IRAG2: variants seen among roughly 807,000 people sequenced by gnomAD.
IRAG2 encodes inositol 1,4,5-triphosphate receptor associated 2.
Under a neutral mutation model 69.9 loss-of-function variants are expected in IRAG2, and 45 were observed. The ratio of observed to expected loss-of-function variants is 0.64; its 90% CI spans 0.51 to 0.83. The LOEUF is 0.83. Ranked by LOEUF, IRAG2 falls within the 40% of genes least tolerant of loss-of-function variation. The pLI is 0.00. For missense variants in IRAG2, 520 were observed against 587.0 expected (o/e 0.89, Z 1.18); for synonymous variants, 193 against 202.4 (o/e 0.95, Z 0.40).
At chr12:25,101,424 G>A in intron 16 of IRAG2, 99 bp downstream of exon 16, 1 of 783,704 alleles carries the variant, frequency 1.3e-6, no homozygotes, top group Non-Finnish European at 1.8e-6. Context: ...AAACTCTTAG[G>A]TTAACTTTAT....
intron 3 of IRAG2, among the ~76,000 whole-genome samples, chr12:25,012,217 C>T (rs1339586499): frequency 7.5e-6 from 1 of 133,906 alleles, no homozygotes; most frequent in Non-Finnish European, 1.5e-5. Flanking sequence ...TACAGTGATG[C>T]AATCTCTGCT....
intron 12 of IRAG2, chr12:25,033,798 G>A (rs1337128466): frequency 2.8e-5 from 11 of 398,192 alleles, no homozygotes; most frequent in Middle Eastern, 1.3e-3. Flanking sequence ...GACTTCAAAC[G>A]TAATGTTGGA....
chr12:25,025,704 A>G (rs1263491579), intron 8 of IRAG2, among the ~76,000 whole-genome samples: 3 of 152,204 alleles, frequency 2.0e-5, no homozygotes, highest in African/African-American at 7.2e-5. Flanking sequence ...TCAAAAGCTG[A>G]TGGGGGCTTG....
At chr12:25,084,217 G>A (rs993432134) in intron 10 of IRAG2, among the ~76,000 whole-genome samples, 3 of 152,102 alleles carry the variant, frequency 2.0e-5, no homozygotes, top group Non-Finnish European at 4.4e-5. Flanking sequence ...GGGAGACCCT[G>A]TTTCTACAAA....
chr12:25,092,924 T>G (rs1948166618), intron 14 of IRAG2: 1 of 155,498 alleles, frequency 6.4e-6, no homozygotes, highest in South Asian at 1.9e-4. Flanking sequence ...AGTTGGTGGC[T>G]CTAACCAAAG....
intron 10 of IRAG2, among the ~76,000 whole-genome samples, chr12:25,086,494 C>A (rs542303704): frequency 7.2e-5 from 11 of 152,038 alleles, no homozygotes; most frequent in Non-Finnish European, 1.5e-4. Flanking sequence ...CTCACCTGTG[C>A]GGTTTTTGAA....
intron 6 of IRAG2, among the ~76,000 whole-genome samples, chr12:25,020,172 C>T (rs1273338383): frequency 3.3e-5 from 5 of 152,202 alleles, no homozygotes; most frequent in African/African-American, 7.2e-5. Context: ...ACGGGAGCTA[C>T]AGGTAGGTAA....
chr12:25,038,976 C>T (rs915733115), intron 16 of IRAG2, among the ~76,000 whole-genome samples: 1 of 152,162 alleles, frequency 6.6e-6, no homozygotes, highest in African/African-American at 2.4e-5. Context: ...TATAAAATAA[C>T]TTACCCTCTT....
intron 5 of IRAG2, among the ~76,000 whole-genome samples, chr12:25,068,082 C>G (rs1051074747): frequency 2.0e-5 from 3 of 152,138 alleles, no homozygotes; most frequent in African/African-American, 7.2e-5. Context: ...CTCAGGTGAT[C>G]CACCCACCTC....
intron 7 of IRAG2, chr12:25,021,121 T>C: frequency 3.5e-6 from 1 of 283,782 alleles, no homozygotes; most frequent in Non-Finnish European, 6.5e-6. Context: ...TTCTTTTTTT[T>C]TGAGACAGGA....
chr12:24,998,484 T>C, the IRAG2 span, among the ~76,000 whole-genome samples: 1 of 152,216 alleles, frequency 6.6e-6, no homozygotes, highest in Non-Finnish European at 1.5e-5. Flanking sequence ...GAAAACAGTT[T>C]AATTTGGCAG....
intron 15 of IRAG2, among the ~76,000 whole-genome samples, chr12:25,098,631 A>G (rs1469529038): frequency 6.6e-6 from 1 of 152,238 alleles, no homozygotes; most frequent in African/African-American, 2.4e-5. Flanking sequence ...AACCATTTCT[A>G]TCAGCACACA....
At chr12:25,104,287 A>G in intron 19 of IRAG2, 74 bp from the exon 20 acceptor site, 1 of 1,043,394 alleles carries the variant, frequency 9.6e-7, no homozygotes. Context: ...TATTTACTTA[A>G]GCAGTAGGAA....
At chr12:25,070,167 T>C (rs1401618562) in intron 6 of IRAG2, among the ~76,000 whole-genome samples, 1 of 152,228 alleles carries the variant, frequency 6.6e-6, no homozygotes, top group African/African-American at 2.4e-5. Flanking sequence ...TAAATGACTT[T>C]CAGTATATTC....
chr12:25,041,810 GA>G (rs1288400024), intron 16 of IRAG2, among the ~76,000 whole-genome samples: 1 of 150,848 alleles, frequency 6.6e-6, no homozygotes, highest in East Asian at 1.9e-4. Context: ...CCAAGCCAGA[GA>G]AGAGGTTTTC....
chr12:25,015,208 G>T, exon 4 of IRAG2: 1 of 1,150,092 alleles, frequency 8.7e-7, no homozygotes, highest in Non-Finnish European at 1.1e-6. Context: ...AGATTAAGCA[G>T]CATCATCGAT....
At chr12:25,043,245 C>T (rs1365149464) in intron 16 of IRAG2, among the ~76,000 whole-genome samples, 1 of 152,178 alleles carries the variant, frequency 6.6e-6, no homozygotes, top group Non-Finnish European at 1.5e-5. Flanking sequence ...CTTAGCGCCA[C>T]GCCAATGGAA....
chr12:25,033,779 T>C (rs1019620005), intron 12 of IRAG2: 1 of 397,492 alleles, frequency 2.5e-6, no homozygotes, highest in East Asian at 3.6e-5. Context: ...ATGGACCCTA[T>C]ATTCTGTTGA....
intron 1 of IRAG2, among the ~76,000 whole-genome samples, chr12:25,054,234 T>C (rs1243941126): frequency 6.6e-6 from 1 of 152,226 alleles, no homozygotes; most frequent in African/African-American, 2.4e-5. Flanking sequence ...CTGTGTGTTA[T>C]TTTACTACTG....
Sources: allele counts gnomAD v4.1 joint callset (sites outside exome capture counted in the v4.1 genomes callset), GRCh38; gene constraint gnomAD v4.1.1; transcripts MANE v1.5; gene names NCBI Gene and HGNC (gene_info 2026-07-23, HGNC 2026-07-21).